Variants in PRCP observed in about 807,000 individuals in gnomAD.
PRCP encodes the protein prolylcarboxypeptidase, also known as lysosomal Pro-X carboxypeptidase.
PRCP carries 46 observed loss-of-function variants against 54.2 expected under a neutral mutation model. The ratio of observed to expected loss-of-function variants is 0.85; its 90% CI spans 0.67 to 1.09. The LOEUF is 1.09. Ranked by LOEUF, PRCP falls within the 50% of genes least tolerant of loss-of-function variation. PRCP has a pLI of 0.00. For missense variants in PRCP, 613 were observed against 596.8 expected, an observed-to-expected ratio of 1.03 and a Z score of -0.28; for synonymous variants, 240 against 212.2, an observed-to-expected ratio of 1.13 and a Z score of -1.14.
intron 8 of PRCP, among the ~76,000 whole-genome samples, chr11:82,833,741 C>T (rs1858450098): frequency 6.6e-6 from 1 of 152,154 alleles, no homozygotes; most frequent in African/African-American, 2.4e-5. Flanking sequence ...ATCACAACAA[C>T]TTTATGGGGT....
chr11:82,825,184 AG>A (rs1380491308), intron 8 of PRCP, 62 bp from the exon 9 acceptor site: 1 of 1,439,506 alleles, frequency 6.9e-7, no homozygotes, highest in Non-Finnish European at 9.5e-7. Flanking sequence ...CACTCAGATA[AG>A]CTAGAAGAAA....
chr11:82,854,930 C>T (rs1316077548), intron 2 of PRCP, among the ~76,000 whole-genome samples: 5 of 152,106 alleles, frequency 3.3e-5, no homozygotes, highest in African/African-American at 1.2e-4. Flanking sequence ...AAAAGGACTC[C>T]GTATTCAATA....
chr11:82,857,199 C>T (rs1470235634), intron 2 of PRCP, among the ~76,000 whole-genome samples: 6 of 152,258 alleles, frequency 3.9e-5, no homozygotes, highest in Non-Finnish European at 1.5e-5. Flanking sequence ...AATTAATCTT[C>T]TTTATTGGAA....
chr11:82,858,097 A>G (rs1168399974), intron 2 of PRCP, among the ~76,000 whole-genome samples: 2 of 152,246 alleles, frequency 1.3e-5, no homozygotes, highest in Non-Finnish European at 2.9e-5. Flanking sequence ...TCACAAAGTA[A>G]TAAGTGATGT....
chr11:82,867,236 C>T (rs1859359689), intron 1 of PRCP, among the ~76,000 whole-genome samples: 2 of 152,084 alleles, frequency 1.3e-5, no homozygotes, highest in Non-Finnish European at 2.9e-5. Flanking sequence ...AAAAATTGTG[C>T]TTAGTAACCA....
At chr11:82,877,543 A>G (rs1162848064) in intron 1 of PRCP, among the ~76,000 whole-genome samples, 3 of 152,164 alleles carry the variant, frequency 2.0e-5, no homozygotes, top group African/African-American at 7.2e-5. Context: ...CACTCCATCC[A>G]TGGCTTAAAG....
At chr11:82,846,827 G>A (rs1196496099) in intron 6 of PRCP, among the ~76,000 whole-genome samples, 4 of 152,246 alleles carry the variant, frequency 2.6e-5, no homozygotes, top group Non-Finnish European at 2.9e-5. Context: ...AAAGAGGTAG[G>A]GAGAAAACCA....
rs186935386 is a variant in PRCP at position 82,894,032 on chromosome 11, T to C, written c.168+6203A>G. On this transcript the variant is annotated intron_variant, in intron 1 of 8. Transcript: ENST00000313010. ...CTCTTACTCCTTATTCATTTTAATTTATGGTCAATTTTTTCAATTCATAAT... is the reference window on the plus strand; with the variant it reads ...CTCTTACTCCTTATTCATTTTAATTCATGGTCAATTTTTTCAATTCATAAT... Among the ~76,000 whole-genome samples, 64 of 152,332 alleles carry C rather than the reference T, an allele frequency of 4.2e-4. 2 individuals carry two copies. In the East Asian group the frequency reaches 7.3e-3, roughly 17 times the overall value.
chr11:82,832,290 C>A (rs1858406357), intron 8 of PRCP, among the ~76,000 whole-genome samples: 1 of 152,160 alleles, frequency 6.6e-6, no homozygotes, highest in South Asian at 2.1e-4. Context: ...CAGTCTTCCA[C>A]AATAGTTGAA....
chr11:82,849,886 C>A (rs900320504), intron 5 of PRCP, 28 bp downstream of exon 5: 1 of 1,394,336 alleles, frequency 7.2e-7, no homozygotes, highest in Non-Finnish European at 9.4e-7. Flanking sequence ...AAAAAACACA[C>A]AATTCCATTC....
chr11:82,885,967 T>C (rs928000577), intron 1 of PRCP, among the ~76,000 whole-genome samples: 2 of 152,132 alleles, frequency 1.3e-5, no homozygotes, highest in African/African-American at 4.8e-5. Context: ...CTTTTTGTGA[T>C]AGTCAATGGA....
chr11:82,900,188 T>C, intron 1 of PRCP, 47 bp downstream of exon 1: 1 of 1,602,960 alleles, frequency 6.2e-7, no homozygotes, highest in Non-Finnish European at 8.5e-7. Flanking sequence ...AGGGTCAGGG[T>C]TCCCGGCGGT....
At chr11:82,887,095 A>G (rs184415166) in intron 1 of PRCP, among the ~76,000 whole-genome samples, 1 of 152,316 alleles carries the variant, frequency 6.6e-6, no homozygotes, top group Non-Finnish European at 1.5e-5. Flanking sequence ...GATCTTGTAC[A>G]TGATATACCT....
At chr11:82,867,227 A>C (rs894043584) in intron 1 of PRCP, among the ~76,000 whole-genome samples, 3 of 152,230 alleles carry the variant, frequency 2.0e-5, no homozygotes, top group Non-Finnish European at 4.4e-5. Context: ...TGTGGAAAAA[A>C]AAATTGTGCT....
intron 1 of PRCP, among the ~76,000 whole-genome samples, chr11:82,895,500 C>T (rs1860097874): frequency 6.6e-6 from 1 of 152,158 alleles, no homozygotes; most frequent in African/African-American, 2.4e-5. Context: ...CCTGTTCAAG[C>T]TCTATCAAGT....
intron 1 of PRCP, among the ~76,000 whole-genome samples, chr11:82,893,252 G>A (rs1009706390): frequency 6.6e-6 from 1 of 152,192 alleles, no homozygotes; most frequent in African/African-American, 2.4e-5. Context: ...GTGAAAGCAG[G>A]AGCACAGCCC....
rs57878596 is a variant in PRCP at position 82,850,114 on chromosome 11, A to AATAT, written c.594-47_594-44dup. The stretch of plus-strand genomic sequence containing the variant: ...CAAAGAAAGAAAAAAGAAAAGAAAA[A>AATAT]ATATATATATATATTATATATATGT... On this transcript the variant is annotated intron_variant, in intron 4 of 8. Transcript: ENST00000313010. 5.7e-4 allele frequency: 461 copies of AATAT among 815,734 alleles called. 2 individuals carry two copies. The highest frequency in any genetic ancestry group is 3.1e-3 in the African/African-American group (178 of 56,870). 50.5% of individuals were successfully genotyped at this position (815,734 alleles called of 1,614,324 possible).
intron 1 of PRCP, among the ~76,000 whole-genome samples, chr11:82,872,054 G>A (rs544086935): frequency 6.6e-6 from 1 of 152,232 alleles, no homozygotes; most frequent in Non-Finnish European, 1.5e-5. Context: ...GAGACTACGC[G>A]TTCACATAAT....
chr11:82,839,535 A>C (rs767690343), intron 6 of PRCP, 110 bp from the exon 7 acceptor site: 17 of 1,212,390 alleles, frequency 1.4e-5, no homozygotes, highest in Middle Eastern at 2.8e-4. Flanking sequence ...AAATATTCTT[A>C]AGCTACTAAC....
Sources: allele counts gnomAD v4.1 joint callset (sites outside exome capture counted in the v4.1 genomes callset), GRCh38; gene constraint gnomAD v4.1.1; transcripts MANE v1.5; gene names NCBI Gene and HGNC (gene_info 2026-07-23, HGNC 2026-07-21).